Variants in POT1 observed in about 807,000 individuals in gnomAD.
The protein encoded by POT1 is protection of telomeres protein 1.
A neutral mutation model predicts 78.5 loss-of-function variants in POT1; 47 were observed. The ratio of observed to expected loss-of-function variants is 0.60; its 90% CI spans 0.47 to 0.76. The LOEUF (loss-of-function observed/expected upper bound fraction) is 0.76, where lower values mean the gene tolerates loss of function less well. Ranked by LOEUF, POT1 falls within the 30% of genes least tolerant of loss-of-function variation. The probability of loss-of-function intolerance (pLI) is 0.00; values close to 1 mark genes in which losing one functional copy is unlikely to be tolerated. For synonymous variants in POT1, 259 were observed against 260.7 expected, an observed-to-expected ratio of 0.99 and a Z score of 0.06; for missense variants, 646 against 749.9, an observed-to-expected ratio of 0.86 and a Z score of 1.62.
intron 7 of POT1, among the ~76,000 whole-genome samples, chr7:124,868,707 ATATT>A (rs1175020259): frequency 6.7e-6 from 1 of 150,140 alleles, no homozygotes; most frequent in South Asian, 2.1e-4. Flanking sequence ...TTCAATATAT[ATATT>A]ATTTGGATTA....
At chr7:124,892,656 A>T (rs192283210) in intron 5 of POT1, 14 of 204,928 alleles carry the variant, frequency 6.8e-5, no homozygotes, top group Admixed American at 3.6e-4. Flanking sequence ...AAAACATAGC[A>T]AACAGCATAT....
intron 9 of POT1, 67 bp from the exon 10 acceptor site, chr7:124,853,205 T>C (rs1795358464): frequency 3.2e-6 from 4 of 1,258,914 alleles, no homozygotes; most frequent in Non-Finnish European, 3.3e-6. Flanking sequence ...TATTTAAAAC[T>C]TTAATAACCA....
chr7:124,840,802 G>A (rs749377380), intron 14 of POT1, 171 bp downstream of exon 14: 2 of 475,860 alleles, frequency 4.2e-6, no homozygotes, highest in Non-Finnish European at 7.4e-6. Context: ...TTATGAACGT[G>A]TGCTTATATA....
chr7:124,906,256 T>C (rs1693102352), intron 3 of POT1, among the ~76,000 whole-genome samples: 1 of 152,028 alleles, frequency 6.6e-6, no homozygotes, highest in South Asian at 2.1e-4. Flanking sequence ...CCAACAATGA[T>C]AGACTGGATT....
At chr7:124,859,504 AAATT>A (rs1795532649) in intron 8 of POT1, among the ~76,000 whole-genome samples, 2 of 152,098 alleles carry the variant, frequency 1.3e-5, no homozygotes, top group African/African-American at 4.8e-5. Context: ...GACATTAATC[AAATT>A]ATTTTTATGA....
rs765144413 is a variant in POT1, at chr7:124,841,211, G to A, written c.1164-33C>T. The A allele has an allele frequency of 3.9e-6, 6 of 1,549,048 alleles. No homozygotes were observed. The South Asian group carries it at 4.6e-5, about 12-fold the overall frequency. ...TATTGGCAATGAAATGATAGAAATC[G>A]ATTTTGGTGTAAGCGTGAAGATTTC... On this transcript the variant is annotated intron_variant, in intron 13 of 18. Coordinates refer to ENST00000357628, the MANE Select transcript of POT1 (RefSeq NM_015450.3).
rs1345686360 is a variant in POT1, at chr7:124,871,021, T to C, written c.145A>G (p.Ile49Val). 2 of 1,604,430 alleles carry C rather than the reference T, an allele frequency of 1.2e-6. No homozygotes were observed. Among genetic ancestry groups the C allele is most frequent in the African/African-American group, 1.3e-5 (1 of 74,654 alleles). Residue 49 changes from isoleucine (I) to valine (V), a missense_variant, in exon 7 of 19, where the codon ATT (isoleucine) becomes GTT (valine). This residue lies in a region of POT1 where 252 missense variants were observed against 341.4 expected (regional missense o/e 0.74). Coordinates refer to ENST00000357628, the MANE Select transcript of POT1 (RefSeq NM_015450.3). Reference sequence around the variant, plus strand: ...AGTTTTACATTTGTCTGGTCCACAATAGTTACAACTGAGCAATAATCTGGA... The same window carrying C: ...AGTTTTACATTTGTCTGGTCCACAACAGTTACAACTGAGCAATAATCTGGA... ...KGTDYCSVVT[I>V]VDQTNVKLTC...
At chr7:124,869,267 T>TA (rs1795806597) in intron 7 of POT1, among the ~76,000 whole-genome samples, 1 of 152,120 alleles carries the variant, frequency 6.6e-6, no homozygotes, top group Non-Finnish European at 1.5e-5. Flanking sequence ...GTTGAAGGGG[T>TA]AACTATATGC....
intron 8 of POT1, 87 bp from the exon 9 acceptor site, chr7:124,859,199 G>A: frequency 1.0e-6 from 1 of 1,004,350 alleles, no homozygotes; most frequent in East Asian, 2.7e-5. Flanking sequence ...GTATTTAAAA[G>A]TAATTAAACT....
chr7:124,898,071 A>T (rs1184619860), intron 4 of POT1, among the ~76,000 whole-genome samples, 190 bp downstream of exon 4: 17 of 151,952 alleles, frequency 1.1e-4, no homozygotes, highest in Admixed American at 1.1e-3. Flanking sequence ...GGAATTCCCT[A>T]TTCTATCTTG....
intron 14 of POT1, among the ~76,000 whole-genome samples, chr7:124,840,446 C>T (rs959367536): frequency 4.0e-5 from 6 of 151,658 alleles, no homozygotes; most frequent in African/African-American, 7.3e-5. Context: ...AAAAAATTCA[C>T]AGTACATATT....
Position 124,823,737 on chromosome 7 carries a change from C to T in POT1, c.*225G>A. ...CTTATCTCAGCAGTACTTGTTTAAG[C>T]AGGTCTCTTTGTACAAAAGCAAAAC... is the stretch of plus-strand genomic sequence containing the variant. On this transcript the variant is annotated 3_prime_UTR_variant, in exon 19 of 19. Transcript: ENST00000357628. 2.1e-6 allele frequency: 1 copy of T among 483,256 alleles called. No homozygotes were observed. The highest frequency in any genetic ancestry group is 3.6e-6 in the Non-Finnish European group (1 of 275,490). The allele number at this position is 483,256 out of a possible 1,614,324, so 29.9% of individuals were successfully genotyped here.
At chr7:124,885,463 C>T (rs6971909) in intron 6 of POT1, among the ~76,000 whole-genome samples, 41,893 of 151,458 alleles carry the variant, frequency 0.28, 5,907 homozygotes, top group East Asian at 0.3. Flanking sequence ...CAGAGCAAGA[C>T]CCTGTCTCTC....
intron 2 of POT1, among the ~76,000 whole-genome samples, chr7:124,925,152 T>C (rs1307482982): frequency 6.6e-6 from 1 of 151,990 alleles, no homozygotes; most frequent in Non-Finnish European, 1.5e-5. Flanking sequence ...GGCATCCAAA[T>C]TGGGAAAGAA....
chr7:124,838,731 G>A (rs899385663), intron 14 of POT1, among the ~76,000 whole-genome samples: 3 of 151,894 alleles, frequency 2.0e-5, no homozygotes, highest in African/African-American at 4.8e-5. Flanking sequence ...TCAGCCTCCC[G>A]AGTAGTTGGG....
At chr7:124,851,643 A>G (rs1452492543) in intron 11 of POT1, among the ~76,000 whole-genome samples, 1 of 152,236 alleles carries the variant, frequency 6.6e-6, no homozygotes, top group Non-Finnish European at 1.5e-5. Flanking sequence ...ATATGTATAT[A>G]TCATAATCAA....
rs941022284 is a variant in POT1 at position 124,829,178 on chromosome 7, T to A, written c.1594+76A>T. ...AAGAAGGAACAGGTATACTTTCAGG[T>A]ATACTGAAATATAAGTAGGTGAAAT... On this transcript the variant is annotated intron_variant, in intron 16 of 18. Coordinates refer to ENST00000357628, the MANE Select transcript of POT1 (RefSeq NM_015450.3). The A allele has an allele frequency of 6.3e-6, 6 of 951,042 alleles. No homozygotes were observed. In the Admixed American group the frequency reaches 1.1e-4, roughly 17 times the overall value. 58.9% of individuals were successfully genotyped at this position (951,042 alleles called of 1,614,324 possible).
chr7:124,861,378 T>C (rs1212960448), intron 8 of POT1, among the ~76,000 whole-genome samples: 1 of 152,232 alleles, frequency 6.6e-6, no homozygotes, highest in Non-Finnish European at 1.5e-5. Context: ...TCTTTTCATA[T>C]GTCTGTTAGC....
chr7:124,918,110 C>T (rs909386813), intron 2 of POT1, among the ~76,000 whole-genome samples: 12 of 152,228 alleles, frequency 7.9e-5, no homozygotes, highest in African/African-American at 2.9e-4. Context: ...GGGCATGGCC[C>T]AGCTCCTGCA....
Sources: gnomAD v4.1 joint callset for allele counts (sites outside exome capture counted in the v4.1 genomes callset) on GRCh38, gnomAD v4.1.1 for gene constraint, gnomAD v4.1.1 regional missense constraint, MANE v1.5 for transcripts, NCBI Gene and HGNC (gene_info 2026-07-23, HGNC 2026-07-21) for gene names.